CD5: variants seen among roughly 807,000 people sequenced by gnomAD.
The protein encoded by CD5 is T-cell surface glycoprotein CD5.
CD5 carries 36 observed loss-of-function variants against 60.3 expected under a neutral mutation model. The ratio of observed to expected loss-of-function variants is 0.60; its 90% confidence interval spans 0.46 to 0.79. The LOEUF is 0.79. CD5 is among the 30% of genes least tolerant of loss of function. The pLI, the probability that CD5 is intolerant of heterozygous loss-of-function variation, is 0.00. For synonymous variants in CD5, 230 were observed against 257.6 expected (o/e 0.89, Z 1.03); for missense variants, 540 against 630.6 (o/e 0.86, Z 1.54).
intron 1 of CD5, 102 bp from the exon 2 acceptor site, chr11:61,114,954 G>C: frequency 9.4e-7 from 1 of 1,067,064 alleles, no homozygotes; most frequent in Non-Finnish European, 1.4e-6. Flanking sequence ...GTGGATAGGG[G>C]GAGGCAGAAA....
chr11:61,121,995 G>A, intron 6 of CD5, 91 bp downstream of exon 6: 1 of 1,194,052 alleles, frequency 8.4e-7, no homozygotes, highest in Non-Finnish European at 1.1e-6. Context: ...GGGAAGCCCT[G>A]GGGAGCTAGA....
intron 5 of CD5, among the ~76,000 whole-genome samples, chr11:61,120,015 G>A (rs1216807934): frequency 6.6e-6 from 1 of 152,150 alleles, no homozygotes; most frequent in Non-Finnish European, 1.5e-5. Context: ...GGTGAGAGGT[G>A]GGAGGTCCCT....
Position 61,121,902 on chromosome 11 carries a change from CAT to C in CD5, c.1098_1099del (p.Cys367ProfsTer75). The C allele has an allele frequency of 6.5e-7, 1 of 1,532,684 alleles. No homozygotes were observed. Among genetic ancestry groups the C allele is most frequent in the Non-Finnish European group, 8.8e-7 (1 of 1,131,130 alleles). 94.9% of individuals were successfully genotyped at this position (1,532,684 alleles called of 1,614,324 possible). On this transcript the variant is annotated frameshift_variant and splice_region_variant, in exon 6 of 11. Transcript: ENST00000347785. LOFTEE classifies it high-confidence loss of function. ...TCCTACTGCAAGAAGGTGTTTGTCA[CAT>C]GTGAGTTGGCCACAGCCCACAGTGG...
the CD5 span, among the ~76,000 whole-genome samples, chr11:61,096,969 T>G: frequency 6.6e-6 from 1 of 152,124 alleles, no homozygotes; most frequent in East Asian, 1.9e-4. Flanking sequence ...TCCTTGCCAG[T>G]CTCCACGGAA....
At chr11:61,113,201 A>G (rs1273214112) in intron 1 of CD5, among the ~76,000 whole-genome samples, 1 of 152,274 alleles carries the variant, frequency 6.6e-6, no homozygotes, top group East Asian at 1.9e-4. Context: ...CCCAAGTCGG[A>G]CAGATGGAAA....
At chr11:61,100,259 G>C (rs1339970693), upstream of CD5, among the ~76,000 whole-genome samples, 1 of 134,272 alleles carries the variant, frequency 7.4e-6, no homozygotes, top group East Asian at 2.3e-4. Context: ...CATCAACATG[G>C]AGATCACACA....
At chr11:61,095,451 G>A in the CD5 span, among the ~76,000 whole-genome samples, 1 of 152,264 alleles carries the variant, frequency 6.6e-6, no homozygotes, top group East Asian at 1.9e-4. Context: ...AAAGCCTCAA[G>A]CTTTAATTGA....
intron 7 of CD5, among the ~76,000 whole-genome samples, 138 bp from the exon 8 acceptor site, chr11:61,123,730 GAGAGACTCCAGGGGGC>G (rs1861103294): frequency 6.6e-6 from 1 of 152,002 alleles, no homozygotes; most frequent in Non-Finnish European, 1.5e-5. Flanking sequence ...TGAGGCCTAC[GAGAGACTCCAGGGGGC>G]AGAGCCCAGC....
At chr11:61,095,567 G>A in the CD5 span, among the ~76,000 whole-genome samples, 6 of 152,150 alleles carry the variant, frequency 3.9e-5, no homozygotes, top group East Asian at 1.9e-4. Flanking sequence ...TGCTCCAGGC[G>A]GCAACTAAGT....
Position 61,121,627 on chromosome 11 carries a change from G to A in CD5, c.822G>A (p.Val274=). The change falls in exon 6 of 11, where the codon GTG becomes GTA. Residue 274 remains valine (V), a synonymous_variant. Coordinates refer to ENST00000347785, the MANE Select transcript of CD5 (RefSeq NM_014207.4). The stretch of plus-strand genomic sequence containing the variant: ...CCCTCTCAGGTTTCCAGCCCAAGGT[G>A]CAGAGCCGTCTGGTGGGGGGCAGCA... ...ALLCSGFQPK[V]QSRLVGGSSI... is the part of the protein sequence containing the mutation. The A allele has an allele frequency of 6.6e-7, 1 of 1,517,610 alleles. No homozygotes were observed. The highest frequency in any genetic ancestry group is 8.9e-7 in the Non-Finnish European group (1 of 1,129,336). The allele number at this position is 1,517,610 out of a possible 1,614,324, so 94.0% of individuals were successfully genotyped here.
Position 61,124,629 on chromosome 11 carries a change from C to T in CD5, c.1280-403C>T, listed in dbSNP as rs544926811. ...CCCTTCCCAAGTCCACAGCCAAATC[C>T]TTCAAGAGGGCTCTGTTGAATTTGT... On this transcript the variant is annotated intron_variant, in intron 8 of 10. Transcript: ENST00000347785. Among the ~76,000 whole-genome samples the T allele has an allele frequency of 1.5e-4, 23 of 152,160 alleles. No individual in the cohort carries two copies. In the South Asian group the frequency reaches 4.6e-3, roughly 30 times the overall value.
chr11:61,116,164 C>A (rs1015038748), intron 2 of CD5, among the ~76,000 whole-genome samples: 1 of 152,012 alleles, frequency 6.6e-6, no homozygotes, highest in Non-Finnish European at 1.5e-5. Context: ...CCTGGGAGAG[C>A]CTTTCACATT....
At chr11:61,114,126 A>G (rs1860900195) in intron 1 of CD5, among the ~76,000 whole-genome samples, 1 of 151,092 alleles carries the variant, frequency 6.6e-6, no homozygotes, top group Admixed American at 6.6e-5. Flanking sequence ...CAAAACAAAC[A>G]AAAAAAAACA....
Position 61,119,216 on chromosome 11 carries a change from T to C in CD5, c.464-18T>C. On this transcript the variant is annotated intron_variant, in intron 4 of 10. Transcript: ENST00000347785. ...CGGCGCTCAGGGTGGCTCCCCCTCCTGCTCTCTCCTCTCCTAGCTCCTCCC... is the reference window on the plus strand; with the variant it reads ...CGGCGCTCAGGGTGGCTCCCCCTCCCGCTCTCTCCTCTCCTAGCTCCTCCC... The C allele has an allele frequency of 1.3e-6, 2 of 1,564,120 alleles. No individual in the cohort carries two copies. Among genetic ancestry groups the C allele is most frequent in the Non-Finnish European group, 1.7e-6 (2 of 1,156,488 alleles).
chr11:61,110,608 C>G (rs1313205246), intron 1 of CD5, among the ~76,000 whole-genome samples: 3 of 152,210 alleles, frequency 2.0e-5, no homozygotes, highest in East Asian at 1.9e-4. Context: ...CATGGGCTTC[C>G]TGCTGGAGGG....
rs779186136 is a variant in CD5, at chr11:61,125,800, C to T, written c.1449C>T (p.Ser483=). 1.7e-5 allele frequency: 27 copies of T among 1,612,596 alleles called. No homozygotes were observed. Among genetic ancestry groups the T allele is most frequent in the South Asian group, 3.3e-5 (3 of 90,934 alleles). ...CCTCCATGCAGCCTGACAACTCCTC[C>T]GACAGTGACTATGATCTGCATGGGG... ...HRSSMQPDNS[S]DSDYDLHGAQ... Residue 483 remains serine, a synonymous_variant, in exon 10 of 11, where the codon TCC becomes TCT. Coordinates refer to ENST00000347785, the MANE Select transcript of CD5 (RefSeq NM_014207.4).
chr11:61,117,949 A>C (rs1001236816), intron 2 of CD5, among the ~76,000 whole-genome samples: 5 of 152,198 alleles, frequency 3.3e-5, no homozygotes, highest in African/African-American at 1.2e-4. Context: ...TCTGACTCTG[A>C]AATCTGGAGC....
chr11:61,125,713 CA>C (rs1861138910), intron 9 of CD5, 37 bp from the exon 10 acceptor site: 8 of 1,515,412 alleles, frequency 5.3e-6, no homozygotes, highest in South Asian at 1.2e-5. Flanking sequence ...TCTGTGGAGT[CA>C]AAAACCCTCT....
chr11:61,119,415 G>A lies in CD5; in HGVS notation c.645G>A (p.Glu215=). 1 of 1,614,148 alleles carries A rather than the reference G, an allele frequency of 6.2e-7. No homozygotes were observed. The change falls in exon 5 of 11, where the codon GAG becomes GAA. Residue 215 remains glutamate (E), a synonymous_variant. Coordinates refer to ENST00000347785, the MANE Select transcript of CD5 (RefSeq NM_014207.4). ...QCGSFLKHLP[E]TEAGRAQDPG... The stretch of plus-strand genomic sequence containing the variant: ...GCTCCTTCTTGAAGCATCTGCCAGA[G>A]ACTGAGGCAGGCAGAGCCCAAGACC...
Sources: allele counts gnomAD v4.1 joint callset (sites outside exome capture counted in the v4.1 genomes callset), GRCh38; gene constraint gnomAD v4.1.1; transcripts MANE v1.5; gene names NCBI Gene and HGNC (gene_info 2026-07-23, HGNC 2026-07-21).